PRKCB: variants seen among roughly 807,000 people sequenced by gnomAD.
PRKCB encodes the protein protein kinase C beta, also known as protein kinase C beta type.
Under a neutral mutation model 81.5 loss-of-function variants are expected in PRKCB, and 13 were observed. The observed-to-expected ratio is 0.16, with a 90% CI of 0.10 to 0.25. The LOEUF (loss-of-function observed/expected upper bound fraction) is 0.25. Among genes scored for constraint, PRKCB ranks in the 10% least tolerant of loss-of-function variants. The pLI is 1.00. For synonymous variants in PRKCB, 335 were observed against 321.4 expected (o/e 1.04, Z -0.45); for missense variants, 509 against 875.7 (o/e 0.58, Z 5.29).
chr16:24,038,684 G>C (rs1965657286), intron 5 of PRKCB, among the ~76,000 whole-genome samples: 1 of 152,206 alleles, frequency 6.6e-6, no homozygotes, highest in South Asian at 2.1e-4. Flanking sequence ...GCCAAGATGG[G>C]GATTTTGTTC....
chr16:24,194,450 C>T (rs977751553), intron 16 of PRKCB, among the ~76,000 whole-genome samples: 1 of 152,048 alleles, frequency 6.6e-6, no homozygotes, highest in Non-Finnish European at 1.5e-5. Flanking sequence ...ACACCCACAC[C>T]CATATGTATC....
intron 7 of PRKCB, among the ~76,000 whole-genome samples, chr16:24,097,230 G>T (rs965983038): frequency 6.6e-6 from 1 of 151,972 alleles, no homozygotes. Flanking sequence ...TAGAGATGGG[G>T]TTTCACCATG....
At chr16:24,162,433 CAG>C (rs1282589800) in intron 10 of PRKCB, among the ~76,000 whole-genome samples, 164 of 142,814 alleles carry the variant, frequency 1.1e-3, no homozygotes, top group African/African-American at 4.1e-3. Flanking sequence ...TCCAAAAAAA[CAG>C]AGAAGACTTT....
intron 2 of PRKCB, among the ~76,000 whole-genome samples, chr16:23,847,577 C>CATCCATCTGTCT (rs112988555): frequency 6.6e-6 from 1 of 150,554 alleles, no homozygotes; most frequent in East Asian, 2.0e-4. Flanking sequence ...TCCATCCATC[C>CATCCATCTGTCT]GTCTGGCTAT....
intron 2 of PRKCB, among the ~76,000 whole-genome samples, chr16:23,843,378 C>T (rs541734101): frequency 4.3e-4 from 65 of 152,216 alleles, no homozygotes; most frequent in African/African-American, 1.4e-3. Flanking sequence ...ATGTGTCCTG[C>T]GGGCTTCTCT....
At chr16:24,092,705 A>C in intron 5 of PRKCB, 86 bp from the exon 6 acceptor site, 5 of 1,328,382 alleles carry the variant, frequency 3.8e-6, no homozygotes, top group Non-Finnish European at 5.2e-6. Flanking sequence ...ATGCCAAAGA[A>C]CCTTCCACAA....
At chr16:24,181,006 G>A in intron 13 of PRKCB, 78 bp downstream of exon 13, 1 of 1,555,728 alleles carries the variant, frequency 6.4e-7, no homozygotes, top group African/African-American at 1.4e-5. Flanking sequence ...GAGCTGGGAA[G>A]GGTTGAGGGT....
intron 2 of PRKCB, among the ~76,000 whole-genome samples, chr16:23,956,620 C>T (rs12926499): frequency 3.9e-5 from 6 of 152,228 alleles, no homozygotes; most frequent in Admixed American, 1.3e-4. Flanking sequence ...ATAGATATTG[C>T]TAAATTGCTC....
At chr16:24,034,116 C>T (rs1965583387) in intron 4 of PRKCB, among the ~76,000 whole-genome samples, 1 of 152,192 alleles carries the variant, frequency 6.6e-6, no homozygotes, top group Non-Finnish European at 1.5e-5. Context: ...AGGTTGGAGC[C>T]TTCTGCCTGC....
chr16:23,856,820 T>G (rs1448368120), intron 2 of PRKCB, among the ~76,000 whole-genome samples: 1 of 152,232 alleles, frequency 6.6e-6, no homozygotes, highest in Non-Finnish European at 1.5e-5. Context: ...CCACTACTCC[T>G]GGCCTCATAC....
chr16:24,076,685 G>A (rs185506121), intron 5 of PRKCB, among the ~76,000 whole-genome samples: 2 of 152,292 alleles, frequency 1.3e-5, no homozygotes, highest in East Asian at 3.9e-4. Context: ...TGCTACAAGT[G>A]TGCCTTTAAC....
chr16:24,140,376 G>A (rs1036576417), intron 9 of PRKCB, among the ~76,000 whole-genome samples: 5 of 152,112 alleles, frequency 3.3e-5, no homozygotes, highest in African/African-American at 1.2e-4. Flanking sequence ...CCACCCGGTG[G>A]GATCTTCTTG....
chr16:23,852,243 T>C (rs1487273473), intron 2 of PRKCB, among the ~76,000 whole-genome samples: 1 of 152,244 alleles, frequency 6.6e-6, no homozygotes, highest in Non-Finnish European at 1.5e-5. Flanking sequence ...GCTACGGGTT[T>C]GTCATAATAG....
At chr16:23,848,798 C>T (rs891365920) in intron 2 of PRKCB, among the ~76,000 whole-genome samples, 4 of 152,182 alleles carry the variant, frequency 2.6e-5, no homozygotes, top group African/African-American at 7.2e-5. Flanking sequence ...AATAATAAAA[C>T]CTACTTTATG....
intron 5 of PRKCB, among the ~76,000 whole-genome samples, chr16:24,051,140 T>C (rs1200282316): frequency 6.6e-6 from 1 of 152,120 alleles, no homozygotes; most frequent in East Asian, 1.9e-4. Context: ...TTATTACTCA[T>C]AGATGAGGAG....
intron 2 of PRKCB, among the ~76,000 whole-genome samples, chr16:23,951,102 T>C (rs960264127): frequency 6.6e-6 from 1 of 152,186 alleles, no homozygotes; most frequent in Admixed American, 6.5e-5. Context: ...CTTTTCCTGT[T>C]TGACTCAGTT....
In PRKCB at chr16:24,217,269, C is replaced by T; in HGVS notation, c.*2453C>T. ...GTTTAATAGTTTGCAGAAATAGATA[C>T]TCAAGCCAAAGTCTGTTTTAGAGAA... On this transcript the variant is annotated 3_prime_UTR_variant, in exon 17 of 17. Transcript: ENST00000643927. The T allele has an allele frequency of 2.0e-6, 2 of 985,408 alleles. No homozygotes were observed. The highest frequency in any genetic ancestry group is 2.4e-6 in the Non-Finnish European group (2 of 829,896). The allele number at this position is 985,408 out of a possible 1,614,324, so 61.0% of individuals were successfully genotyped here.
intron 2 of PRKCB, among the ~76,000 whole-genome samples, chr16:23,885,137 T>C (rs139789884): frequency 6.6e-6 from 1 of 152,322 alleles, no homozygotes; most frequent in Non-Finnish European, 1.5e-5. Flanking sequence ...GCCTGCTATA[T>C]GCCAGACACT....
chr16:23,915,524 A>G (rs758715163), intron 2 of PRKCB, among the ~76,000 whole-genome samples: 1 of 151,992 alleles, frequency 6.6e-6, no homozygotes, highest in African/African-American at 2.4e-5. Context: ...AGTCTCTATA[A>G]AAAATACAAA....
Sources: allele counts gnomAD v4.1 joint callset (sites outside exome capture counted in the v4.1 genomes callset), GRCh38; gene constraint gnomAD v4.1.1; transcripts MANE v1.5; gene names NCBI Gene and HGNC (gene_info 2026-07-23, HGNC 2026-07-21).